The following MYO10 variants were observed in gnomAD, a reference collection of about 807,000 sequenced individuals.
MYO10 encodes the protein myosin X, also known as unconventional myosin-X.
MYO10 carries 133 observed loss-of-function variants against 257.3 expected under a neutral mutation model. The observed-to-expected ratio is 0.52, with a 90% confidence interval of 0.45 to 0.60. MYO10 has a LOEUF of 0.60. Among genes scored for constraint, MYO10 ranks in the 20% least tolerant of loss-of-function variants. The probability of loss-of-function intolerance (pLI) is 0.00; values close to 1 mark genes in which losing one functional copy is unlikely to be tolerated. For missense variants in MYO10, 2,399 were observed against 2,635.7 expected (o/e 0.91, Z 1.97); for synonymous variants, 1,104 against 1,028.6 (o/e 1.07, Z -1.40).
chr5:16,852,669 A>T (rs1206888213), intron 2 of MYO10, among the ~76,000 whole-genome samples: 1 of 151,856 alleles, frequency 6.6e-6, no homozygotes, highest in Non-Finnish European at 1.5e-5. Flanking sequence ...GGCCTGATCC[A>T]TACATGAGAA....
intron 4 of MYO10, among the ~76,000 whole-genome samples, chr5:16,792,245 G>T (rs1422651086): frequency 1.5e-4 from 21 of 139,094 alleles, no homozygotes; most frequent in Non-Finnish European, 1.6e-5. Flanking sequence ...AAAAAAAAAA[G>T]GAACTACAAA....
chr5:16,893,934 G>A (rs962737675), intron 1 of MYO10, among the ~76,000 whole-genome samples: 1 of 152,164 alleles, frequency 6.6e-6, no homozygotes, highest in Non-Finnish European at 1.5e-5. Flanking sequence ...TACCCAGAGT[G>A]TGTGACAAGC....
chr5:16,847,491 G>C lies in MYO10; in HGVS notation c.121-29324C>G, dbSNP rs1580069193. On this transcript the variant is annotated intron_variant, in intron 2 of 40. Transcript: ENST00000513610. ...CTCACACCTGCAGTCCCAGCACTTT[G>C]GGAGGCTGAGGCGAGAGGATCGCTA... 2.0e-5 allele frequency among the ~76,000 whole-genome samples: 3 copies of C among 152,144 alleles called. No individual in the cohort carries two copies. The South Asian group carries it at 6.2e-4, about 32-fold the overall frequency.
chr5:16,835,896 T>C (rs9312937), intron 2 of MYO10, among the ~76,000 whole-genome samples: 80,445 of 151,692 alleles, frequency 0.53, 21,608 homozygotes, highest in Admixed American at 0.61. Flanking sequence ...ATAATAAAAA[T>C]AAGGTCACTT....
intron 13 of MYO10, 36 bp from the exon 14 acceptor site, chr5:16,763,583 A>C (rs1740782557): frequency 1.3e-6 from 2 of 1,593,672 alleles, no homozygotes; most frequent in Non-Finnish European, 1.7e-6. Context: ...GTTAAATGAA[A>C]ACATAGCTTC....
chr5:16,703,476 T>C (rs1738181650), intron 22 of MYO10, among the ~76,000 whole-genome samples: 1 of 152,188 alleles, frequency 6.6e-6, no homozygotes, highest in South Asian at 2.1e-4. Context: ...TGATATATTC[T>C]CCTGTTCATA....
intron 4 of MYO10, among the ~76,000 whole-genome samples, chr5:16,784,528 C>G (rs1358884462): frequency 3.3e-5 from 5 of 152,136 alleles, no homozygotes. Flanking sequence ...ACGGAGAAAC[C>G]CCATCCATCT....
intron 4 of MYO10, among the ~76,000 whole-genome samples, chr5:16,787,606 C>CT (rs1741623685): frequency 5.2e-5 from 2 of 38,250 alleles, no homozygotes; most frequent in South Asian, 1.1e-3. Context: ...TTTTGTTTTG[C>CT]TTTAAAAAAA....
Position 16,664,163 on chromosome 5 carries a change from A to C in MYO10, c.*2529T>G, listed in dbSNP as rs993806430. On this transcript the variant is annotated 3_prime_UTR_variant, in exon 41 of 41. Coordinates refer to ENST00000513610, the MANE Select transcript of MYO10 (RefSeq NM_012334.3). ...CTGTTGCAACTTTCTCTGAGTCTGT[A>C]ATTATTTCTAAATAAAAGGCTAAAA... is the stretch of plus-strand genomic sequence containing the variant. 6.6e-6 allele frequency: 1 copy of C among 152,176 alleles called. No individual in the cohort carries two copies. Among genetic ancestry groups the C allele is most frequent in the Non-Finnish European group, 1.5e-5 (1 of 68,054 alleles). 9.4% of individuals were successfully genotyped at this position (152,176 alleles called of 1,614,324 possible).
At chr5:16,867,904 T>G (rs1199026216) in intron 2 of MYO10, among the ~76,000 whole-genome samples, 2 of 152,194 alleles carry the variant, frequency 1.3e-5, no homozygotes, top group Admixed American at 6.5e-5. Flanking sequence ...CAGATTTGGA[T>G]GATTAAATCC....
At chr5:16,735,685 G>GAA (rs767237097) in intron 19 of MYO10, among the ~76,000 whole-genome samples, 113 of 99,460 alleles carry the variant, frequency 1.1e-3, no homozygotes, top group African/African-American at 3.5e-3. Flanking sequence ...AGAGCCTCGG[G>GAA]AAAAAAAAAA....
intron 4 of MYO10, among the ~76,000 whole-genome samples, chr5:16,793,170 G>T (rs936790682): frequency 2.6e-5 from 4 of 152,150 alleles, no homozygotes; most frequent in Non-Finnish European, 5.9e-5. Context: ...AGAAGAGACT[G>T]ACATGCATCC....
intron 2 of MYO10, 22 bp from the exon 3 acceptor site, chr5:16,818,189 A>C: frequency 6.8e-7 from 1 of 1,466,212 alleles, no homozygotes; most frequent in Non-Finnish European, 9.2e-7. Context: ...AGAGGAATTC[A>C]ATTATTTCAT....
Position 16,863,430 on chromosome 5 carries a change from G to A in MYO10, c.120+14179C>T, listed in dbSNP as rs1744159085. On this transcript the variant is annotated intron_variant, in intron 2 of 40. Transcript: ENST00000513610. Reference sequence around the variant, plus strand: ...CCAGAGACCTCCTGGTCTCACCCATGGATTTTTCAGTGGTGCTGGGAACAA... The same window carrying A: ...CCAGAGACCTCCTGGTCTCACCCATAGATTTTTCAGTGGTGCTGGGAACAA... Among the ~76,000 whole-genome samples, 5 of 152,230 alleles carry A rather than the reference G, an allele frequency of 3.3e-5. No homozygotes were observed. In the South Asian group the frequency reaches 1.0e-3, roughly 32 times the overall value.
intron 1 of MYO10, among the ~76,000 whole-genome samples, chr5:16,888,490 G>C (rs1054623797): frequency 6.6e-6 from 1 of 151,910 alleles, no homozygotes; most frequent in Admixed American, 6.5e-5. Context: ...AGCTACTCAG[G>C]AGGCTGAGGC....
intron 3 of MYO10, among the ~76,000 whole-genome samples, chr5:16,802,808 C>T (rs1742159735): frequency 6.6e-6 from 1 of 151,994 alleles, no homozygotes; most frequent in Non-Finnish European, 1.5e-5. Flanking sequence ...ACATTATGCT[C>T]CTTAACTTTA....
At chr5:16,932,103 G>C (rs1290432900) in intron 1 of MYO10, among the ~76,000 whole-genome samples, 1 of 152,218 alleles carries the variant, frequency 6.6e-6, no homozygotes, top group Non-Finnish European at 1.5e-5. Flanking sequence ...AACCAGACTG[G>C]AAGAAACAGG....
At chr5:16,812,836 A>T (rs1290244129) in intron 3 of MYO10, among the ~76,000 whole-genome samples, 1 of 152,214 alleles carries the variant, frequency 6.6e-6, no homozygotes. Context: ...ACTGGTGTTC[A>T]GAAAGATTCA....
At chr5:16,755,194 C>T (rs187418249) in intron 18 of MYO10, among the ~76,000 whole-genome samples, 4 of 152,290 alleles carry the variant, frequency 2.6e-5, no homozygotes, top group Admixed American at 2.0e-4. Flanking sequence ...GAGACGGAGT[C>T]TCGCTCTATC....
Sources: allele counts gnomAD v4.1 joint callset (sites outside exome capture counted in the v4.1 genomes callset), GRCh38; gene constraint gnomAD v4.1.1; transcripts MANE v1.5; gene names NCBI Gene and HGNC (gene_info 2026-07-23, HGNC 2026-07-21).